Variants in LTN1 observed in about 807,000 individuals in gnomAD.
LTN1 encodes the protein E3 ubiquitin-protein ligase listerin.
Under a neutral mutation model 201.2 loss-of-function variants are expected in LTN1, and 88 were observed. The ratio of observed to expected loss-of-function variants is 0.44; its 90% CI spans 0.37 to 0.52. The LOEUF is 0.52. LTN1 is among the 20% of genes least tolerant of loss of function. The pLI is 0.00. For missense variants in LTN1, 1,752 were observed against 2,038.7 expected, an observed-to-expected ratio of 0.86 and a Z score of 2.71; for synonymous variants, 645 against 713.5, an observed-to-expected ratio of 0.90 and a Z score of 1.53.
intron 23 of LTN1, 78 bp from the exon 24 acceptor site, chr21:28,943,414 T>C: frequency 1.2e-6 from 1 of 840,698 alleles, no homozygotes; most frequent in East Asian, 2.5e-5. Flanking sequence ...GAAAGACCAA[T>C]ACTTATTTTA....
At position 28,928,498 on chromosome 21, in the gene LTN1, G is replaced by T. The variant is rs1164920139; in HGVS notation, c.*1950C>A. On this transcript the variant is annotated 3_prime_UTR_variant, in exon 30 of 30. Coordinates refer to ENST00000361371, the MANE Select transcript of LTN1 (RefSeq NM_015565.3). ...TCATGCAATTTTAAAATGTCCTTAA[G>T]CTAAAATTTTAAGGGCTGTAATCCT... 1.3e-5 allele frequency: 2 copies of T among 152,040 alleles called. No homozygotes were observed. Among genetic ancestry groups the T allele is most frequent in the African/African-American group, 4.8e-5 (2 of 41,396 alleles). 9.4% of individuals were successfully genotyped at this position (152,040 alleles called of 1,614,324 possible).
At chr21:28,974,474 ATT>A (rs2084599535) in intron 6 of LTN1, among the ~76,000 whole-genome samples, 1 of 152,222 alleles carries the variant, frequency 6.6e-6, no homozygotes, top group South Asian at 2.1e-4. Flanking sequence ...ATACAGATGC[ATT>A]TTAGAAGAGA....
chr21:28,935,593 C>G (rs1440772011), intron 26 of LTN1, among the ~76,000 whole-genome samples: 1 of 152,092 alleles, frequency 6.6e-6, no homozygotes, highest in Non-Finnish European at 1.5e-5. Context: ...GTAATCCCAG[C>G]ACTTTGGGAG....
chr21:28,932,612 T>A lies in LTN1; in HGVS notation c.4928A>T (p.Asp1643Val). Residue 1643 changes from aspartate to valine, a missense_variant, in exon 28 of 30, where the codon GAC becomes GTC. Coordinates refer to ENST00000361371, the MANE Select transcript of LTN1 (RefSeq NM_015565.3). The stretch of plus-strand genomic sequence containing the variant: ...TTGTATTATAAGTTCAATAACTATG[T>A]CCTCAATAGTATAAGTAGCCATTAC... Reference protein sequence around the residue: ...REVMATYTIEDIVIELIIQLP... With the variant: ...REVMATYTIEVIVIELIIQLP... 6.2e-7 allele frequency: 1 copy of A among 1,613,204 alleles called. No homozygotes were observed. Among genetic ancestry groups the A allele is most frequent in the Non-Finnish European group, 8.5e-7 (1 of 1,179,214 alleles).
chr21:28,971,296 A>G lies in LTN1; in HGVS notation c.959T>C (p.Val320Ala). ...PIVCPALWEA[V>A]LYTLTTIEDC... ...CTCAATAGTTGTAAGTGTATAGAGTACAGCTTCCCAGAGAGCTGGGCAGAC... is the reference window on the plus strand; with the variant it reads ...CTCAATAGTTGTAAGTGTATAGAGTGCAGCTTCCCAGAGAGCTGGGCAGAC... Residue 320 changes from valine (V) to alanine (A), a missense_variant, in exon 7 of 30, where the codon GTA (valine) becomes GCA (alanine). Val to Ala is a moderately conservative substitution (Grantham distance 64, BLOSUM62 0). Around this residue, in one of 3 missense-constraint regions of LTN1, gnomAD observed 1,211 missense variants for 1,312.8 expected, o/e 0.92. Coordinates refer to ENST00000361371, the MANE Select transcript of LTN1 (RefSeq NM_015565.3). 4 of 1,614,034 alleles carry G rather than the reference A, an allele frequency of 2.5e-6. No individual in the cohort carries two copies. Among genetic ancestry groups the G allele is most frequent in the Non-Finnish European group, 2.5e-6 (3 of 1,179,912 alleles).
chr21:28,988,798 T>C (rs2146320980), intron 1 of LTN1, among the ~76,000 whole-genome samples: 1 of 151,856 alleles, frequency 6.6e-6, no homozygotes, highest in East Asian at 2.0e-4. Context: ...AAACGCCGTC[T>C]CTACTAAAAA....
intron 6 of LTN1, among the ~76,000 whole-genome samples, chr21:28,973,376 G>A (rs1305794367): frequency 6.7e-5 from 10 of 149,654 alleles, no homozygotes; most frequent in Non-Finnish European, 1.3e-4. Flanking sequence ...AAAGAATGAG[G>A]GCAAAATAAA....
chr21:28,969,486 G>A lies in LTN1; in HGVS notation c.1291C>T (p.Gln431Ter). 1 of 1,611,354 alleles carries A rather than the reference G, an allele frequency of 6.2e-7. No homozygotes were observed. The highest frequency in any genetic ancestry group is 8.5e-7 in the Non-Finnish European group (1 of 1,179,328). ...QQNLGEEEIE[Q>*]MLVNDQLIPF... ...GATACCTGATCATTGACGAGCATCTGTTCAATCTCTTCCTCACCTAAGTTT... is the reference window on the plus strand; with the variant it reads ...GATACCTGATCATTGACGAGCATCTATTCAATCTCTTCCTCACCTAAGTTT... Residue 431 changes from glutamine to a stop codon, truncating the protein, a stop_gained, in exon 9 of 30, where the codon CAG (glutamine) becomes TAG (stop). Transcript: ENST00000361371. LOFTEE classifies it high-confidence loss of function.
chr21:28,933,673 CTCTCT>C (rs1214077970), intron 27 of LTN1, among the ~76,000 whole-genome samples: 229 of 148,718 alleles, frequency 1.5e-3, no homozygotes, highest in African/African-American at 4.8e-3. Context: ...CTCTCTCTCT[CTCTCT>C]TTTTTTTTTT....
chr21:28,973,583 C>A (rs1272109994), intron 6 of LTN1, among the ~76,000 whole-genome samples: 1 of 152,036 alleles, frequency 6.6e-6, no homozygotes. Flanking sequence ...CAGCAAACTT[C>A]TAGCTATGCC....
intron 24 of LTN1, among the ~76,000 whole-genome samples, chr21:28,941,845 A>C (rs2084299988): frequency 6.6e-6 from 1 of 152,224 alleles, no homozygotes; most frequent in South Asian, 2.1e-4. Context: ...TAGTACTATT[A>C]AGAAATATCA....
Position 28,981,245 on chromosome 21 carries a change from G to C in LTN1, c.684C>G (p.Ser228=), listed in dbSNP as rs762274797. The change falls in exon 6 of 30, where the codon TCC becomes TCG. Residue 228 remains serine (S), a synonymous_variant. Transcript: ENST00000361371. ...EAKFYRVVTC[S]LLALKRLLCL... is the part of the protein sequence containing the mutation. Reference sequence around the variant, plus strand: ...AAAGTAATCTCTTTAATGCCAATAAGGAACAAGTTACAACCCGGTAGAATT... The same window carrying C: ...AAAGTAATCTCTTTAATGCCAATAACGAACAAGTTACAACCCGGTAGAATT... 8.8e-6 allele frequency: 14 copies of C among 1,593,164 alleles called. No homozygotes were observed. The South Asian group carries it at 1.3e-4, about 15-fold the overall frequency.
intron 18 of LTN1, among the ~76,000 whole-genome samples, chr21:28,950,819 C>T (rs908998041): frequency 1.3e-5 from 2 of 152,110 alleles, no homozygotes; most frequent in Non-Finnish European, 2.9e-5. Context: ...TGGCAAATTC[C>T]ATTTATAAAA....
intron 9 of LTN1, chr21:28,967,970 A>G (rs1308634206): frequency 2.0e-5 from 3 of 152,182 alleles, no homozygotes; most frequent in Non-Finnish European, 4.4e-5. Context: ...TTCTGTGTTG[A>G]TTACTATGAT....
Position 28,941,418 on chromosome 21 carries a change from T to G in LTN1, c.4296-12A>C. The G allele has an allele frequency of 6.3e-7, 1 of 1,580,460 alleles. No homozygotes were observed. The highest frequency in any genetic ancestry group is 8.6e-7 in the Non-Finnish European group (1 of 1,162,024). ...CTGCTGGTGGTGACCTAAGAATCAATGATTAAACACCACAAGTTTTCTTTA... is the reference window on the plus strand; with the variant it reads ...CTGCTGGTGGTGACCTAAGAATCAAGGATTAAACACCACAAGTTTTCTTTA... On this transcript the variant is annotated splice_polypyrimidine_tract_variant and intron_variant, in intron 24 of 29. Coordinates refer to ENST00000361371, the MANE Select transcript of LTN1 (RefSeq NM_015565.3).
chr21:28,969,660 T>C (rs2084557231), intron 8 of LTN1, 59 bp from the exon 9 acceptor site: 2 of 1,370,750 alleles, frequency 1.5e-6, no homozygotes, highest in East Asian at 2.4e-5. Context: ...GAACTCAGAA[T>C]TATCAAAATA....
intron 25 of LTN1, among the ~76,000 whole-genome samples, chr21:28,939,088 G>T (rs1321023253): frequency 6.6e-6 from 1 of 151,988 alleles, no homozygotes; most frequent in Non-Finnish European, 1.5e-5. Flanking sequence ...CAAAAAAAGT[G>T]ATTTAAAAAA....
intron 1 of LTN1, among the ~76,000 whole-genome samples, chr21:28,988,169 A>AT (rs375522561): frequency 2.9e-5 from 4 of 136,894 alleles, no homozygotes; most frequent in African/African-American, 1.1e-4. Context: ...ACAAAAAAAA[A>AT]CAAATTGCTC....
intron 16 of LTN1, among the ~76,000 whole-genome samples, chr21:28,954,373 T>C (rs377476574): frequency 3.3e-5 from 5 of 152,342 alleles, no homozygotes; most frequent in African/African-American, 1.2e-4. Context: ...GCAAATTCTC[T>C]ACCTTTAATA....
Sources: gnomAD v4.1 joint callset for allele counts (sites outside exome capture counted in the v4.1 genomes callset) on GRCh38, gnomAD v4.1.1 for gene constraint, gnomAD v4.1.1 regional missense constraint, MANE v1.5 for transcripts, NCBI Gene and HGNC (gene_info 2026-07-23, HGNC 2026-07-21) for gene names.